Variants in TBCD observed in about 807,000 individuals in gnomAD.
The protein encoded by TBCD is tubulin-specific chaperone D.
In TBCD, 105 loss-of-function variants were observed where a neutral mutation model predicts 169.3. The ratio of observed to expected loss-of-function variants is 0.62; its 90% confidence interval spans 0.53 to 0.73. The LOEUF is 0.73. Ranked by LOEUF, TBCD falls within the 30% of genes least tolerant of loss-of-function variation. The probability of loss-of-function intolerance (pLI) is 0.00; values close to 1 mark genes in which losing one functional copy is unlikely to be tolerated. For synonymous variants in TBCD, 700 were observed against 643.9 expected, an observed-to-expected ratio of 1.09 and a Z score of -1.32; for missense variants, 1,444 against 1,600.1, an observed-to-expected ratio of 0.90 and a Z score of 1.66.
Position 82,942,546 on chromosome 17 carries a change from C to T in TBCD, c.*83C>T, listed in dbSNP as rs2063413337. 5.0e-6 allele frequency: 8 copies of T among 1,589,108 alleles called. No individual in the cohort carries two copies. The highest frequency in any genetic ancestry group is 6.9e-6 in the Non-Finnish European group (8 of 1,159,064). On this transcript the variant is annotated 3_prime_UTR_variant, in exon 39 of 39. Transcript: ENST00000355528. ...GGAGGCCGGTGTGGAAAGCCTCGCACAGTGGTGCCTCCAGCTGTTGAAGGG... is the reference window on the plus strand; with the variant it reads ...GGAGGCCGGTGTGGAAAGCCTCGCATAGTGGTGCCTCCAGCTGTTGAAGGG...
At chr17:82,887,166 TGTGCGCGC>T (rs1237009578) in intron 15 of TBCD, among the ~76,000 whole-genome samples, 1 of 109,042 alleles carries the variant, frequency 9.2e-6, no homozygotes, top group Non-Finnish European at 2.0e-5. Context: ...TGTGTGTGTG[TGTGCGCGC>T]GCGCGCACGT....
intron 32 of TBCD, chr17:82,929,712 G>T: frequency 1.4e-6 from 1 of 705,112 alleles, no homozygotes; most frequent in South Asian, 1.6e-5. Context: ...GATGAAGGTG[G>T]GACAGGGCCA....
At chr17:82,876,371 G>T (rs1051435799) in intron 14 of TBCD, among the ~76,000 whole-genome samples, 4 of 152,204 alleles carry the variant, frequency 2.6e-5, no homozygotes, top group African/African-American at 9.7e-5. Flanking sequence ...TCGCGGCCTC[G>T]CAGTGTCTCT....
chr17:82,787,774 G>T (rs957555705), intron 7 of TBCD, among the ~76,000 whole-genome samples: 4 of 152,198 alleles, frequency 2.6e-5, no homozygotes, highest in Non-Finnish European at 2.9e-5. Context: ...TAGTTCCCTT[G>T]CAGTGAGGGT....
intron 17 of TBCD, chr17:82,900,432 C>T (rs56062101): frequency 0.13 from 64,304 of 487,678 alleles, 5,255 homozygotes; most frequent in South Asian, 0.28. Context: ...CAGATTTCGC[C>T]GTTACACATG....
chr17:82,907,572 G>A (rs1262977593), intron 20 of TBCD, among the ~76,000 whole-genome samples, 189 bp from the exon 21 acceptor site: 1 of 152,208 alleles, frequency 6.6e-6, no homozygotes, highest in Admixed American at 6.5e-5. Context: ...AAAATAATCG[G>A]AGGTATGTCC....
In TBCD at chr17:82,806,686, A is replaced by G. The variant is rs1311446539; in HGVS notation, c.1087+675A>G. ...GGCCACGCTGCCTGTGCTGTGCTGC[A>G]CTCTGCTCACATCCCCGCCGCTCCC... is the stretch of plus-strand genomic sequence containing the variant. On this transcript the variant is annotated intron_variant, in intron 10 of 38. Transcript: ENST00000355528. This position sits in a 1 kb window ranked among gnomAD's most constrained non-coding sequence, Gnocchi z 5.1. Among the ~76,000 whole-genome samples, 1 of 150,852 alleles carries G rather than the reference A, an allele frequency of 6.6e-6. No homozygotes were observed. The highest frequency in any genetic ancestry group is 1.5e-5 in the Non-Finnish European group (1 of 67,652).
intron 7 of TBCD, among the ~76,000 whole-genome samples, chr17:82,788,344 C>T (rs1363558021): frequency 1.3e-5 from 2 of 152,060 alleles, no homozygotes; most frequent in African/African-American, 2.4e-5. Context: ...GGAAGATTGT[C>T]GACTGTGTGG....
chr17:82,765,334 C>T (rs1169408816), intron 3 of TBCD, among the ~76,000 whole-genome samples: 1 of 38,938 alleles, frequency 2.6e-5, no homozygotes, highest in African/African-American at 2.0e-4. Context: ...TGTCTGTGCT[C>T]ATAGTCTGCT....
At position 82,876,491 on chromosome 17, in the gene TBCD, C is replaced by T. The variant is rs193125729; in HGVS notation, c.1475+6111C>T. 3.5e-3 allele frequency among the ~76,000 whole-genome samples: 539 copies of T among 152,220 alleles called. 8 individuals carry two copies. Among genetic ancestry groups the T allele is most frequent in the Non-Finnish European group, 4.0e-3 (271 of 68,014 alleles). ...CGTTGGGTGTCCTGTTGGAGTAGTC[C>T]TTTAGGAAGGAGCTTTTATATTTAT... On this transcript the variant is annotated intron_variant, in intron 14 of 38. Coordinates refer to ENST00000355528, the MANE Select transcript of TBCD (RefSeq NM_005993.5).
chr17:82,940,394 G>A (rs1329956340), intron 37 of TBCD, among the ~76,000 whole-genome samples: 3 of 152,206 alleles, frequency 2.0e-5, no homozygotes, highest in Non-Finnish European at 4.4e-5. Flanking sequence ...AGTGCCGACT[G>A]TGAGGGCCTC....
chr17:82,790,403 T>C (rs1291374591), intron 7 of TBCD, among the ~76,000 whole-genome samples: 8 of 152,136 alleles, frequency 5.3e-5, no homozygotes, highest in Non-Finnish European at 8.8e-5. Flanking sequence ...CCTCGGAAGC[T>C]TGTGGCCTGG....
chr17:82,825,385 C>T (rs183713192), intron 13 of TBCD, among the ~76,000 whole-genome samples: 57 of 152,250 alleles, frequency 3.7e-4, no homozygotes, highest in African/African-American at 1.3e-3. Context: ...GCTCCCTGCA[C>T]GGCTGTTTAG....
chr17:82,813,063 T>G (rs1023831490), intron 12 of TBCD, among the ~76,000 whole-genome samples: 7 of 141,880 alleles, frequency 4.9e-5, no homozygotes, highest in African/African-American at 1.7e-4. Context: ...CCTCAAGCAG[T>G]CCTCTTGCCT....
chr17:82,874,502 C>T lies in TBCD; in HGVS notation c.1475+4122C>T, dbSNP rs1024538568. Among the ~76,000 whole-genome samples the T allele has an allele frequency of 6.6e-6, 1 of 152,126 alleles. No individual in the cohort carries two copies. Among genetic ancestry groups the T allele is most frequent in the Non-Finnish European group, 1.5e-5 (1 of 68,006 alleles). On this transcript the variant is annotated intron_variant, in intron 14 of 38. Coordinates refer to ENST00000355528, the MANE Select transcript of TBCD (RefSeq NM_005993.5). This position sits in a 1 kb window ranked among gnomAD's most constrained non-coding sequence, Gnocchi z 5.0. ...GGGCTCGCAGCTCACAGGCTTCTGA[C>T]GCCTCAGCCTGGAGCTGGCGTTGTG... is the stretch of plus-strand genomic sequence containing the variant.
chr17:82,796,358 A>C (rs1030253027), intron 7 of TBCD, among the ~76,000 whole-genome samples: 1 of 152,218 alleles, frequency 6.6e-6, no homozygotes, highest in African/African-American at 2.4e-5. Flanking sequence ...TTTATATTTC[A>C]CACAAACTAA....
At chr17:82,759,161 C>T (rs2047614256) in intron 2 of TBCD, among the ~76,000 whole-genome samples, 1 of 152,054 alleles carries the variant, frequency 6.6e-6, no homozygotes, top group African/African-American at 2.4e-5. Context: ...ACAACAGGCA[C>T]AAGCTGCCAT....
At position 82,903,287 on chromosome 17, in the gene TBCD, C is replaced by G. The variant is rs992432817; in HGVS notation, c.1731-118C>G. On this transcript the variant is annotated intron_variant, in intron 18 of 38. Transcript: ENST00000355528. The surrounding 1 kb of genome is among the most constrained non-coding windows in gnomAD (Gnocchi z 4.8). ...GGTTCGTGTGAGTGAGTGAGTGAGC[C>G]TCTGCTAAGTGGCCGGTTGAGGACT... is the stretch of plus-strand genomic sequence containing the variant. 10 of 889,840 alleles carry G rather than the reference C, an allele frequency of 1.1e-5. No homozygotes were observed. Among genetic ancestry groups the G allele is most frequent in the Non-Finnish European group, 1.8e-5 (10 of 560,600 alleles). 55.1% of individuals were successfully genotyped at this position (889,840 alleles called of 1,614,324 possible).
chr17:82,886,814 C>T (rs908277930), intron 15 of TBCD, among the ~76,000 whole-genome samples: 4 of 150,028 alleles, frequency 2.7e-5, no homozygotes, highest in African/African-American at 4.9e-5. Context: ...GGATTACAGG[C>T]GTGCACCACC....
Sources: gnomAD v4.1 joint callset for allele counts (sites outside exome capture counted in the v4.1 genomes callset) on GRCh38, gnomAD v4.1.1 for gene constraint, Gnocchi (gnomAD v3.1) non-coding constraint, MANE v1.5 for transcripts, NCBI Gene and HGNC (gene_info 2026-07-23, HGNC 2026-07-21) for gene names.